RIMBP2: variants seen among roughly 807,000 people sequenced by gnomAD.
The protein encoded by RIMBP2 is RIMS-binding protein 2.
A neutral mutation model predicts 118.6 loss-of-function variants in RIMBP2; 48 were observed. That is an observed-to-expected ratio of 0.40 (90% CI 0.32 to 0.51). RIMBP2 has a LOEUF of 0.51. Among genes scored for constraint, RIMBP2 ranks in the 20% least tolerant of loss-of-function variants. RIMBP2 has a pLI of 0.41. For missense variants in RIMBP2, 1,551 were observed against 1,768.3 expected, an observed-to-expected ratio of 0.88 and a Z score of 2.20; for synonymous variants, 762 against 742.9, an observed-to-expected ratio of 1.03 and a Z score of -0.42.
At chr12:130,700,599 A>G (rs1179283433) in intron 1 of RIMBP2, among the ~76,000 whole-genome samples, 1 of 152,240 alleles carries the variant, frequency 6.6e-6, no homozygotes, top group Non-Finnish European at 1.5e-5. Context: ...GGGGCTGGCC[A>G]CAGCCAAGGA....
At chr12:130,479,700 C>A (rs2081785075) in intron 4 of RIMBP2, among the ~76,000 whole-genome samples, 1 of 152,030 alleles carries the variant, frequency 6.6e-6, no homozygotes, top group African/African-American at 2.4e-5. Context: ...CACTCAGACC[C>A]AGGAGTCCAA....
chr12:130,437,738 C>T (rs1034191493), intron 12 of RIMBP2, among the ~76,000 whole-genome samples: 43 of 152,318 alleles, frequency 2.8e-4, no homozygotes, highest in African/African-American at 6.5e-4. Flanking sequence ...GGGGACTTCC[C>T]GCCTCAGAGC....
intron 21 of RIMBP2, among the ~76,000 whole-genome samples, chr12:130,402,215 T>C (rs940457924): frequency 2.6e-5 from 4 of 152,152 alleles, no homozygotes; most frequent in Non-Finnish European, 5.9e-5. Flanking sequence ...TAAGTTCCGT[T>C]CTGTTTGGAG....
intron 2 of RIMBP2, among the ~76,000 whole-genome samples, chr12:130,544,856 G>T (rs2054961712): frequency 6.6e-6 from 1 of 151,862 alleles, no homozygotes; most frequent in Admixed American, 6.6e-5. Context: ...ACCTCCCAAA[G>T]AACTGGAGGC....
intron 2 of RIMBP2, among the ~76,000 whole-genome samples, chr12:130,601,161 T>C (rs755212638): frequency 1.3e-5 from 2 of 151,926 alleles, no homozygotes; most frequent in Non-Finnish European, 2.9e-5. Context: ...CAAGGCTCAT[T>C]CTCTGTGTGA....
At chr12:130,503,438 C>T (rs1480901600) in intron 4 of RIMBP2, among the ~76,000 whole-genome samples, 1 of 151,802 alleles carries the variant, frequency 6.6e-6, no homozygotes, top group African/African-American at 2.4e-5. Flanking sequence ...AAGAACTCTT[C>T]TTGAGTTCTT....
chr12:130,577,266 G>C (rs1387777253), intron 2 of RIMBP2, among the ~76,000 whole-genome samples: 1 of 152,188 alleles, frequency 6.6e-6, no homozygotes, highest in African/African-American at 2.4e-5. Context: ...AGAACCATAT[G>C]TGGCTCACTG....
At chr12:130,476,907 A>G (rs1182959688) in intron 5 of RIMBP2, among the ~76,000 whole-genome samples, 1 of 152,160 alleles carries the variant, frequency 6.6e-6, no homozygotes, top group Non-Finnish European at 1.5e-5. Flanking sequence ...TGACGGTACG[A>G]CGGAGCTGGT....
At chr12:130,585,370 G>A (rs900600902) in intron 2 of RIMBP2, among the ~76,000 whole-genome samples, 1 of 152,054 alleles carries the variant, frequency 6.6e-6, no homozygotes, top group African/African-American at 2.4e-5. Context: ...TCGAAAATTC[G>A]GTAGGAAATT....
chr12:130,466,964 A>C (rs992210525), intron 6 of RIMBP2, among the ~76,000 whole-genome samples: 2 of 152,248 alleles, frequency 1.3e-5, no homozygotes, highest in Non-Finnish European at 2.9e-5. Flanking sequence ...TCAGAGACTC[A>C]AAAGAATGCA....
chr12:130,518,614 A>G (rs7134862), intron 2 of RIMBP2, among the ~76,000 whole-genome samples: 25,991 of 152,048 alleles, frequency 0.17, 2,593 homozygotes, highest in African/African-American at 0.27. Flanking sequence ...AGAGGGAGAA[A>G]ACTCATTTTT....
chr12:130,688,211 G>T lies in RIMBP2; in HGVS notation c.-352+28011C>A, dbSNP rs1279857356. On this transcript the variant is annotated intron_variant, in intron 1 of 22. Coordinates refer to ENST00000690449, the MANE Select transcript of RIMBP2 (RefSeq NM_001393629.1). This position sits in a 1 kb window ranked among gnomAD's most constrained non-coding sequence, Gnocchi z 4.7. Reference sequence around the variant, plus strand: ...TGGCTTTGTGAACAGTTGCGTGGTGGCTTCTCAGCGGCCTTGGTGGCATGG... The same window carrying T: ...TGGCTTTGTGAACAGTTGCGTGGTGTCTTCTCAGCGGCCTTGGTGGCATGG... Among the ~76,000 whole-genome samples the T allele has an allele frequency of 6.6e-6, 1 of 152,138 alleles. No homozygotes were observed. Among genetic ancestry groups the T allele is most frequent in the Non-Finnish European group, 1.5e-5 (1 of 68,026 alleles).
At chr12:130,498,486 T>C (rs1007106813) in intron 4 of RIMBP2, among the ~76,000 whole-genome samples, 3 of 151,772 alleles carry the variant, frequency 2.0e-5, no homozygotes, top group Non-Finnish European at 4.4e-5. Context: ...ACAAGATGAG[T>C]GCGCTGAAGA....
At chr12:130,583,934 C>G (rs1394789672) in intron 2 of RIMBP2, among the ~76,000 whole-genome samples, 1 of 150,542 alleles carries the variant, frequency 6.6e-6, no homozygotes, top group African/African-American at 2.4e-5. Flanking sequence ...ATTATATCAT[C>G]ACTATCACAA....
At chr12:130,438,335 A>ACCGGGGGGGGG in intron 12 of RIMBP2, 30 bp downstream of exon 12, 2 of 865,012 alleles carry the variant, frequency 2.3e-6, no homozygotes, top group Non-Finnish European at 3.8e-6. Flanking sequence ...GGCCTAACAA[A>ACCGGGGGGGGG]CCCTCCCCAC....
At chr12:130,448,370 T>C (rs2078715924) in intron 9 of RIMBP2, among the ~76,000 whole-genome samples, 1 of 152,140 alleles carries the variant, frequency 6.6e-6, no homozygotes, top group Non-Finnish European at 1.5e-5. Context: ...GCAAACCCAG[T>C]GGCCCTCTGA....
At chr12:130,403,193 A>G (rs1365323333) in intron 21 of RIMBP2, among the ~76,000 whole-genome samples, 1 of 152,236 alleles carries the variant, frequency 6.6e-6, no homozygotes, top group African/African-American at 2.4e-5. Context: ...TTGGTATCAA[A>G]TTAGGTGTCC....
At chr12:130,564,247 T>A (rs1043589250) in intron 2 of RIMBP2, among the ~76,000 whole-genome samples, 1 of 152,160 alleles carries the variant, frequency 6.6e-6, no homozygotes, top group African/African-American at 2.4e-5. Flanking sequence ...CCATATTTCA[T>A]CCGACGCCAC....
intron 1 of RIMBP2, among the ~76,000 whole-genome samples, chr12:130,634,350 G>C (rs1014353436): frequency 6.6e-6 from 1 of 152,172 alleles, no homozygotes; most frequent in African/African-American, 2.4e-5. Context: ...GGAAGCGGGA[G>C]GAAAAGCTCA....
Sources: gnomAD v4.1 joint callset for allele counts (sites outside exome capture counted in the v4.1 genomes callset) on GRCh38, gnomAD v4.1.1 for gene constraint, Gnocchi (gnomAD v3.1) non-coding constraint, MANE v1.5 for transcripts, NCBI Gene and HGNC (gene_info 2026-07-23, HGNC 2026-07-21) for gene names.